SPAST: variants seen among roughly 807,000 people sequenced by gnomAD.
SPAST encodes the protein spastic paraplegia 4 (autosomal dominant; spastin).
SPAST carries 30 observed loss-of-function variants against 76.6 expected under a neutral mutation model. The ratio of observed to expected loss-of-function variants is 0.39; its 90% CI spans 0.29 to 0.53. The LOEUF (loss-of-function observed/expected upper bound fraction) is 0.53, where lower values mean the gene tolerates loss of function less well. Among genes scored for constraint, SPAST ranks in the 20% least tolerant of loss-of-function variants. SPAST has a pLI of 0.68. For missense variants in SPAST, 717 were observed against 770.5 expected (o/e 0.93, Z 0.82); for synonymous variants, 305 against 281.0 (o/e 1.09, Z -0.86).
intron 4 of SPAST, among the ~76,000 whole-genome samples, chr2:32,100,146 C>G (rs1419128002): frequency 6.6e-6 from 1 of 152,076 alleles, no homozygotes; most frequent in East Asian, 1.9e-4. Context: ...TAAGAGTTCA[C>G]TTTCTACACA....
intron 9 of SPAST, among the ~76,000 whole-genome samples, chr2:32,131,732 G>C (rs1384995836): frequency 7.6e-6 from 1 of 132,108 alleles, no homozygotes; most frequent in Non-Finnish European, 1.5e-5. Context: ...GCGTGATCTC[G>C]GCTCACTGCA....
intron 4 of SPAST, among the ~76,000 whole-genome samples, chr2:32,111,266 A>C (rs1430936529): frequency 1.0e-5 from 1 of 100,022 alleles, no homozygotes; most frequent in Non-Finnish European, 2.2e-5. Flanking sequence ...TGTATAGCGT[A>C]TATATACAGT....
At chr2:32,149,615 GA>G (rs1217279709) in intron 16 of SPAST, among the ~76,000 whole-genome samples, 3 of 152,124 alleles carry the variant, frequency 2.0e-5, no homozygotes, top group Admixed American at 1.3e-4. Flanking sequence ...ATACTTGGGG[GA>G]AAAAAGCATC....
At chr2:32,101,796 A>T (rs1466228048) in intron 4 of SPAST, among the ~76,000 whole-genome samples, 1 of 152,016 alleles carries the variant, frequency 6.6e-6, no homozygotes, top group Non-Finnish European at 1.5e-5. Context: ...GATGTGTGGT[A>T]TTATTTCTGA....
At chr2:32,109,396 A>C (rs1380891417) in intron 4 of SPAST, among the ~76,000 whole-genome samples, 6 of 152,112 alleles carry the variant, frequency 3.9e-5, no homozygotes, top group Non-Finnish European at 8.8e-5. Context: ...GGTGTGAGCC[A>C]CCACGCCTGG....
rs145308019 is a variant in SPAST at position 32,073,461 on chromosome 2, T to C, written c.415+9215T>C. ...TGGCAAAGTATAGATTGTCTACTCT[T>C]CTATATTAGTTTTCTTCACTCTTTT... On this transcript the variant is annotated intron_variant, in intron 1 of 16. Coordinates refer to ENST00000315285, the MANE Select transcript of SPAST (RefSeq NM_014946.4). Among the ~76,000 whole-genome samples, 634 of 152,336 alleles carry C rather than the reference T, an allele frequency of 4.2e-3. 8 individuals carry two copies. The highest frequency in any genetic ancestry group is 0.014 in the African/African-American group (596 of 41,556).
chr2:32,072,869 A>C lies in SPAST; in HGVS notation c.415+8623A>C, dbSNP rs148662891. Among the ~76,000 whole-genome samples the C allele has an allele frequency of 8.5e-4, 130 of 152,326 alleles. 1 individual carries two copies. The highest frequency in any genetic ancestry group is 2.6e-3 in the African/African-American group (108 of 41,570). ...TGCTTTCTTTGGGCCTAATGATTCT[A>C]CTTTGAAGTTTCTCTGATTAAACTA... On this transcript the variant is annotated intron_variant, in intron 1 of 16. Transcript: ENST00000315285.
chr2:32,144,065 C>T (rs557371101), intron 14 of SPAST, among the ~76,000 whole-genome samples: 4 of 152,120 alleles, frequency 2.6e-5, no homozygotes, highest in South Asian at 2.1e-4. Flanking sequence ...ATAGGAGATG[C>T]GCTCATGAAT....
At chr2:32,108,323 T>A (rs1678401898) in intron 4 of SPAST, among the ~76,000 whole-genome samples, 1 of 152,176 alleles carries the variant, frequency 6.6e-6, no homozygotes. Flanking sequence ...AATGCAGGTC[T>A]GTAGAAATTA....
At chr2:32,072,030 T>G (rs1237717184) in intron 1 of SPAST, among the ~76,000 whole-genome samples, 1 of 152,106 alleles carries the variant, frequency 6.6e-6, no homozygotes, top group Non-Finnish European at 1.5e-5. Flanking sequence ...GTAAAATACT[T>G]CAATTTGTTT....
At chr2:32,105,260 T>C (rs1165241057) in intron 4 of SPAST, among the ~76,000 whole-genome samples, 2 of 152,226 alleles carry the variant, frequency 1.3e-5, no homozygotes, top group Non-Finnish European at 2.9e-5. Context: ...CTGAAGCTCA[T>C]GCATGCATCA....
chr2:32,067,574 A>T (rs1017650145), intron 1 of SPAST, among the ~76,000 whole-genome samples: 4 of 152,054 alleles, frequency 2.6e-5, no homozygotes, highest in African/African-American at 7.2e-5. Context: ...CACATATATG[A>T]ATATATCTAT....
In SPAST at chr2:32,099,877, T is replaced by C. The variant is rs574138743; in HGVS notation, c.682+986T>C. ...AACTTTTTAAAAATAATATTCTGTG[T>C]GTATATATACCACATTTTCTTTATT... On this transcript the variant is annotated intron_variant, in intron 4 of 16. Transcript: ENST00000315285. Among the ~76,000 whole-genome samples the C allele has an allele frequency of 3.9e-5, 6 of 152,322 alleles. No homozygotes were observed. In the South Asian group the frequency reaches 1.2e-3, roughly 32 times the overall value.
chr2:32,125,382 C>T (rs1419710273), intron 7 of SPAST, among the ~76,000 whole-genome samples: 2 of 152,004 alleles, frequency 1.3e-5, no homozygotes, highest in African/African-American at 4.8e-5. Flanking sequence ...TGCCACCACG[C>T]CCAGCTAATT....
intron 16 of SPAST, among the ~76,000 whole-genome samples, chr2:32,152,756 T>C (rs959210649): frequency 2.0e-5 from 3 of 149,204 alleles, no homozygotes; most frequent in African/African-American, 7.4e-5. Context: ...TTTTTGGGGT[T>C]TTTTTTTTTG....
intron 1 of SPAST, among the ~76,000 whole-genome samples, chr2:32,065,023 CTTT>C (rs1286197371): frequency 6.9e-6 from 1 of 145,462 alleles, no homozygotes. Context: ...TTTAAGCTAA[CTTT>C]TTTTTTTTTT....
rs780404151 is a variant in SPAST, at chr2:32,144,944, G to A, written c.1624G>A (p.Asp542Asn). The A allele has an allele frequency of 8.1e-6, 13 of 1,611,530 alleles. No individual in the cohort carries two copies. Among genetic ancestry groups the A allele is most frequent in the Non-Finnish European group, 1.0e-5 (12 of 1,178,450 alleles). Reference sequence around the variant, plus strand: ...CTTCCTTCCCTTCCTCAGAATGACTGATGGATACTCAGGAAGTGACCTAAC... The same window carrying A: ...CTTCCTTCCCTTCCTCAGAATGACTAATGGATACTCAGGAAGTGACCTAAC... Reference protein sequence around the residue: ...KELAQLARMTDGYSGSDLTAL... With the variant: ...KELAQLARMTNGYSGSDLTAL... The change falls in exon 15 of 17, where the codon GAT becomes AAT. Residue 542 changes from aspartate to asparagine, a missense_variant. This residue lies in a region of SPAST where 96 missense variants were observed against 127.6 expected (regional missense o/e 0.75). Coordinates refer to ENST00000315285, the MANE Select transcript of SPAST (RefSeq NM_014946.4).
At chr2:32,080,135 C>T (rs564013454) in intron 1 of SPAST, among the ~76,000 whole-genome samples, 2 of 152,196 alleles carry the variant, frequency 1.3e-5, no homozygotes, top group South Asian at 4.1e-4. Flanking sequence ...GAAGTGGTAT[C>T]TCGTTGTGAT....
chr2:32,106,766 T>A (rs1256612475), intron 4 of SPAST, among the ~76,000 whole-genome samples: 1 of 152,162 alleles, frequency 6.6e-6, no homozygotes, highest in African/African-American at 2.4e-5. Flanking sequence ...TCAGTGGCAG[T>A]TTCCCTCTTC....
Sources: gnomAD v4.1 joint callset for allele counts (sites outside exome capture counted in the v4.1 genomes callset) on GRCh38, gnomAD v4.1.1 for gene constraint, gnomAD v4.1.1 regional missense constraint, MANE v1.5 for transcripts, NCBI Gene and HGNC (gene_info 2026-07-23, HGNC 2026-07-21) for gene names.